The following NOS1AP variants were observed in gnomAD, a reference collection of about 807,000 sequenced individuals.
The protein encoded by NOS1AP is nitric oxide synthase 1 adaptor protein.
Under a neutral mutation model 56.2 loss-of-function variants are expected in NOS1AP, and 21 were observed. The observed-to-expected ratio is 0.37, with a 90% CI of 0.26 to 0.54. NOS1AP has a LOEUF of 0.54. NOS1AP is among the 20% of genes least tolerant of loss of function. The probability of loss-of-function intolerance (pLI) is 0.84; values close to 1 mark genes in which losing one functional copy is unlikely to be tolerated. For synonymous variants in NOS1AP, 270 were observed against 274.6 expected, an observed-to-expected ratio of 0.98 and a Z score of 0.17; for missense variants, 522 against 657.8, an observed-to-expected ratio of 0.79 and a Z score of 2.26.
chr1:162,152,510 T>C (rs1649758770), intron 1 of NOS1AP, among the ~76,000 whole-genome samples: 1 of 152,248 alleles, frequency 6.6e-6, no homozygotes, highest in African/African-American at 2.4e-5. Context: ...GTTGACAGAC[T>C]GTACCGCCTC....
At chr1:162,091,309 G>A (rs958763722) in intron 1 of NOS1AP, among the ~76,000 whole-genome samples, 24 of 152,076 alleles carry the variant, frequency 1.6e-4, no homozygotes, top group African/African-American at 5.8e-4. Flanking sequence ...CAGTTCTCCA[G>A]TTTACCCTAT....
At chr1:162,158,327 T>C (rs2102103343) in intron 2 of NOS1AP, among the ~76,000 whole-genome samples, 1 of 152,358 alleles carries the variant, frequency 6.6e-6, no homozygotes, top group South Asian at 2.1e-4. Context: ...AGGATTTCCT[T>C]CCTTTTTAAG....
At chr1:162,097,884 T>C (rs1173418337) in intron 1 of NOS1AP, among the ~76,000 whole-genome samples, 1 of 151,390 alleles carries the variant, frequency 6.6e-6, no homozygotes, top group Non-Finnish European at 1.5e-5. Context: ...AAAATAGGTA[T>C]ATTTATATTT....
chr1:162,322,856 A>G (rs1482702739), intron 4 of NOS1AP, among the ~76,000 whole-genome samples: 1 of 152,238 alleles, frequency 6.6e-6, no homozygotes, highest in African/African-American at 2.4e-5. Flanking sequence ...AGAGAAAACA[A>G]TAGTAATACG....
intron 6 of NOS1AP, among the ~76,000 whole-genome samples, chr1:162,352,482 T>A (rs1002876210): frequency 6.6e-6 from 1 of 152,126 alleles, no homozygotes; most frequent in Non-Finnish European, 1.5e-5. Flanking sequence ...CCAGGCCTTT[T>A]TCCTGAACTT....
Position 162,369,241 on chromosome 1 carries a change from A to G in NOS1AP, c.*1774A>G, listed in dbSNP as rs895332142. On this transcript the variant is annotated 3_prime_UTR_variant, in exon 10 of 10. Coordinates refer to ENST00000361897, the MANE Select transcript of NOS1AP (RefSeq NM_014697.3). ...CTAACATGCATTTAGTTGGAGAGGC[A>G]TGGTTCTGTTTGTTTTGTTTTGATC... 6.6e-6 allele frequency: 1 copy of G among 152,220 alleles called. No homozygotes were observed. The highest frequency in any genetic ancestry group is 2.4e-5 in the African/African-American group (1 of 41,456). The allele number at this position is 152,220 out of a possible 1,614,324, so 9.4% of individuals were successfully genotyped here. A position where few individuals can be genotyped will look rare whatever the true frequency, so the allele number is the denominator to read the frequency against.
At chr1:162,272,609 C>G (rs1324116731) in intron 2 of NOS1AP, among the ~76,000 whole-genome samples, 1 of 152,164 alleles carries the variant, frequency 6.6e-6, no homozygotes, top group African/African-American at 2.4e-5. Flanking sequence ...ACCCTGCAGG[C>G]CTTTTCTCTA....
At chr1:162,260,565 C>T (rs1287505791) in intron 2 of NOS1AP, among the ~76,000 whole-genome samples, 1 of 152,160 alleles carries the variant, frequency 6.6e-6, no homozygotes, top group Non-Finnish European at 1.5e-5. Flanking sequence ...ATGACTAACA[C>T]ATACAAGTTG....
At chr1:162,213,644 A>G (rs1170916305) in intron 2 of NOS1AP, among the ~76,000 whole-genome samples, 1 of 152,104 alleles carries the variant, frequency 6.6e-6, no homozygotes, top group Non-Finnish European at 1.5e-5. Flanking sequence ...AGCTTTCTTG[A>G]CTTTGGTCAG....
chr1:162,130,357 G>A lies in NOS1AP; in HGVS notation c.106-24048G>A, dbSNP rs183707405. ...GACCACAATGCTCAATAACAAATAT[G>A]TGAGTTTTTATTTCACCCCAGTGGT... On this transcript the variant is annotated intron_variant, in intron 1 of 9. Coordinates refer to ENST00000361897, the MANE Select transcript of NOS1AP (RefSeq NM_014697.3). Among the ~76,000 whole-genome samples the A allele has an allele frequency of 3.3e-3, 506 of 152,334 alleles. 10 individuals are homozygous for A. Among genetic ancestry groups the A allele is most frequent in the Admixed American group, 0.028 (432 of 15,300 alleles).
intron 2 of NOS1AP, among the ~76,000 whole-genome samples, chr1:162,238,652 A>G (rs567432244): frequency 6.6e-6 from 1 of 152,376 alleles, no homozygotes; most frequent in African/African-American, 2.4e-5. Context: ...GAAAAAATAG[A>G]TGGCTAACAT....
chr1:162,245,984 G>A (rs1199798065), intron 2 of NOS1AP, among the ~76,000 whole-genome samples: 3 of 152,190 alleles, frequency 2.0e-5, no homozygotes, highest in East Asian at 1.9e-4. Context: ...CACATTTGAG[G>A]GGTCAAGGTG....
At chr1:162,155,456 T>TATATAG (rs1649933014) in intron 2 of NOS1AP, among the ~76,000 whole-genome samples, 1 of 141,278 alleles carries the variant, frequency 7.1e-6, no homozygotes, top group African/African-American at 2.6e-5. Flanking sequence ...TATATATATA[T>TATATAG]AGAGAGAGAG....
intron 5 of NOS1AP, among the ~76,000 whole-genome samples, chr1:162,338,223 T>C (rs762945180): frequency 1.3e-5 from 2 of 152,072 alleles, no homozygotes; most frequent in African/African-American, 2.4e-5. Context: ...TCAGTCAAAT[T>C]TGAGTACCCA....
chr1:162,320,606 A>T (rs1180081889), intron 4 of NOS1AP, among the ~76,000 whole-genome samples: 1 of 152,226 alleles, frequency 6.6e-6, no homozygotes, highest in African/African-American at 2.4e-5. Flanking sequence ...CTGTAATCCC[A>T]GCACTTTGGG....
At position 162,367,754 on chromosome 1, in the gene NOS1AP, G is replaced by A. The variant is rs755530840; in HGVS notation, c.*287G>A. 9.9e-5 allele frequency: 42 copies of A among 423,664 alleles called. No homozygotes were observed. The highest frequency in any genetic ancestry group is 7.3e-5 in the Non-Finnish European group (17 of 234,180). 26.2% of individuals were successfully genotyped at this position (423,664 alleles called of 1,614,324 possible). A position where few individuals can be genotyped will look rare whatever the true frequency, so the allele number is the denominator to read the frequency against. On this transcript the variant is annotated 3_prime_UTR_variant, in exon 10 of 10. Transcript: ENST00000361897. The surrounding 1 kb of genome is among the most constrained non-coding windows in gnomAD (Gnocchi z 6.5). ...GCTTCAGGAGAGGGTCTCTCTCCAG[G>A]ACTGCCAGGCTGCTGGAGGACCTGC... is the stretch of plus-strand genomic sequence containing the variant.
intron 2 of NOS1AP, among the ~76,000 whole-genome samples, chr1:162,269,987 T>C (rs1248433647): frequency 6.6e-6 from 1 of 152,194 alleles, no homozygotes; most frequent in Admixed American, 6.5e-5. Flanking sequence ...CCATCAGTTC[T>C]GAGGTTTCAT....
At chr1:162,092,931 T>C (rs376513349) in intron 1 of NOS1AP, among the ~76,000 whole-genome samples, 1 of 152,344 alleles carries the variant, frequency 6.6e-6, no homozygotes, top group East Asian at 1.9e-4. Flanking sequence ...TTTATTCTCA[T>C]CTTGTACCTC....
intron 1 of NOS1AP, among the ~76,000 whole-genome samples, chr1:162,103,265 C>T (rs926690097): frequency 5.3e-5 from 8 of 150,890 alleles, no homozygotes; most frequent in African/African-American, 9.7e-5. Context: ...CTTAACGTTG[C>T]GTTCTAATTT....
Sources: gnomAD v4.1 joint callset for allele counts (sites outside exome capture counted in the v4.1 genomes callset) on GRCh38, gnomAD v4.1.1 for gene constraint, Gnocchi (gnomAD v3.1) non-coding constraint, MANE v1.5 for transcripts, NCBI Gene and HGNC (gene_info 2026-07-23, HGNC 2026-07-21) for gene names.